RYR2: variants seen among roughly 807,000 people sequenced by gnomAD.
RYR2 encodes ryanodine receptor 2.
RYR2 carries 227 observed loss-of-function variants against 601.1 expected under a neutral mutation model. The observed-to-expected ratio is 0.38, with a 90% CI of 0.34 to 0.42. RYR2 has a LOEUF of 0.42. RYR2 is among the 10% of genes least tolerant of loss of function. The pLI, the probability that RYR2 is intolerant of heterozygous loss-of-function variation, is 1.00. For synonymous variants in RYR2, 2,223 were observed against 2,175.1 expected, an observed-to-expected ratio of 1.02 and a Z score of -0.61; for missense variants, 4,646 against 6,156.5, an observed-to-expected ratio of 0.75 and a Z score of 8.21.
intron 10 of RYR2, among the ~76,000 whole-genome samples, chr1:237,397,613 G>A (rs1558749814): frequency 6.6e-6 from 1 of 152,168 alleles, no homozygotes; most frequent in Non-Finnish European, 1.5e-5. Flanking sequence ...TCAGCAGAAA[G>A]TAATGTTTAA....
At chr1:237,490,344 T>C (rs1346456199) in intron 17 of RYR2, among the ~76,000 whole-genome samples, 2 of 152,162 alleles carry the variant, frequency 1.3e-5, no homozygotes, top group Non-Finnish European at 2.9e-5. Context: ...AAAGTTGAAA[T>C]TATTTTTTAT....
chr1:237,553,991 G>T (rs183571209), intron 27 of RYR2, among the ~76,000 whole-genome samples: 2 of 151,808 alleles, frequency 1.3e-5, no homozygotes, highest in Non-Finnish European at 2.9e-5. Context: ...TTTACAATTG[G>T]TATAGCTTTT....
intron 1 of RYR2, among the ~76,000 whole-genome samples, chr1:237,074,958 G>A (rs74149703): frequency 0.04 from 6,052 of 152,216 alleles, 437 homozygotes; most frequent in African/African-American, 0.14. Flanking sequence ...GCCAGGTCTC[G>A]GAGAGGGATC....
chr1:237,096,919 A>AT (rs1667563988), intron 1 of RYR2, among the ~76,000 whole-genome samples: 1 of 152,190 alleles, frequency 6.6e-6, no homozygotes, highest in South Asian at 2.1e-4. Flanking sequence ...AGCAATTGGA[A>AT]TTGGTCTGTC....
intron 1 of RYR2, among the ~76,000 whole-genome samples, chr1:237,153,534 A>G (rs1229349331): frequency 6.6e-6 from 1 of 152,154 alleles, no homozygotes; most frequent in Non-Finnish European, 1.5e-5. Context: ...GGAATAATGA[A>G]TTTAATGTTG....
intron 58 of RYR2, among the ~76,000 whole-genome samples, 157 bp downstream of exon 58, chr1:237,668,115 T>C (rs995144626): frequency 2.0e-5 from 3 of 152,218 alleles, no homozygotes; most frequent in African/African-American, 7.2e-5. Flanking sequence ...AATGCTGTAA[T>C]TTCCTAGTGG....
chr1:237,568,188 A>G (rs1399993066), intron 28 of RYR2, among the ~76,000 whole-genome samples: 1 of 152,178 alleles, frequency 6.6e-6, no homozygotes, highest in East Asian at 1.9e-4. Flanking sequence ...GGTAGGAAGG[A>G]GAACACCACA....
At chr1:237,437,029 A>T (rs946902776) in intron 12 of RYR2, among the ~76,000 whole-genome samples, 2 of 150,960 alleles carry the variant, frequency 1.3e-5, no homozygotes, top group African/African-American at 4.9e-5. Flanking sequence ...GGTCTATTTT[A>T]TTTATTTATT....
At position 237,222,655 on chromosome 1, in the gene RYR2, C is replaced by T. The variant is rs117648730; in HGVS notation, c.49-47842C>T. On this transcript the variant is annotated intron_variant, in intron 1 of 104. Transcript: ENST00000366574. Reference sequence around the variant, plus strand: ...TCTTTATTTAAGGTTTTGACGATACCTGCAACATAGACAAAAGCTAGGATT... The same window carrying T: ...TCTTTATTTAAGGTTTTGACGATACTTGCAACATAGACAAAAGCTAGGATT... Among the ~76,000 whole-genome samples the T allele has an allele frequency of 2.6e-5, 4 of 152,226 alleles. No homozygotes were observed. The East Asian group carries it at 7.7e-4, about 29-fold the overall frequency.
intron 1 of RYR2, among the ~76,000 whole-genome samples, chr1:237,069,706 T>C (rs1174231052): frequency 6.6e-6 from 1 of 152,160 alleles, no homozygotes; most frequent in East Asian, 1.9e-4. Context: ...TTTTAAAAAA[T>C]GGTGTCAGGC....
At chr1:237,126,002 C>T (rs558614994) in intron 1 of RYR2, among the ~76,000 whole-genome samples, 10 of 152,268 alleles carry the variant, frequency 6.6e-5, no homozygotes, top group Admixed American at 2.6e-4. Context: ...TTTGGGAGGC[C>T]GAGGCGGGCG....
intron 10 of RYR2, among the ~76,000 whole-genome samples, chr1:237,415,636 A>G (rs1287131387): frequency 6.6e-6 from 1 of 152,194 alleles, no homozygotes; most frequent in Non-Finnish European, 1.5e-5. Flanking sequence ...GTCCTCCAGG[A>G]CATATGGTAC....
chr1:237,831,407 C>T (rs919334680), intron 103 of RYR2, 107 bp from the exon 104 acceptor site: 1 of 642,212 alleles, frequency 1.6e-6, no homozygotes, highest in Non-Finnish European at 2.7e-6. Flanking sequence ...GGCGTTTTCT[C>T]TGTGCTGGCC....
intron 34 of RYR2, among the ~76,000 whole-genome samples, chr1:237,596,924 G>A (rs909746417): frequency 6.6e-6 from 1 of 152,136 alleles, no homozygotes; most frequent in African/African-American, 2.4e-5. Flanking sequence ...AGAAATGAAG[G>A]AAAAATAGAG....
chr1:237,645,231 C>A (rs1395204024), intron 48 of RYR2, among the ~76,000 whole-genome samples: 1 of 152,108 alleles, frequency 6.6e-6, no homozygotes, highest in Non-Finnish European at 1.5e-5. Flanking sequence ...TGTATGCTAA[C>A]CTTACAAACC....
In RYR2 at chr1:237,784,159, T is replaced by C. The variant is rs2149353878; in HGVS notation, c.12447T>C (p.Tyr4149=). 1 of 1,613,998 alleles carries C rather than the reference T, an allele frequency of 6.2e-7. No individual in the cohort carries two copies. Among genetic ancestry groups the C allele is most frequent in the Non-Finnish European group, 8.5e-7 (1 of 1,179,888 alleles). Residue 4149 remains tyrosine, a synonymous_variant, in exon 90 of 105, where the codon TAT becomes TAC. Coordinates refer to ENST00000366574, the MANE Select transcript of RYR2 (RefSeq NM_001035.3). The surrounding 1 kb of genome is among the most constrained non-coding windows in gnomAD (Gnocchi z 7.1). ...MGSAKRIERV[Y]FEISESSRTQ... ...GCGCCAAACGCATCGAGAGGGTCTA[T>C]TTTGAAATCAGTGAGTCCAGCCGAA... is the stretch of plus-strand genomic sequence containing the variant.
intron 2 of RYR2, among the ~76,000 whole-genome samples, chr1:237,324,909 A>G (rs573147078): frequency 3.9e-5 from 6 of 152,302 alleles, no homozygotes; most frequent in Admixed American, 2.6e-4. Context: ...TGTGCTGGAA[A>G]CCTAGTGTTA....
chr1:237,417,199 T>C, intron 11 of RYR2, 76 bp downstream of exon 11: 1 of 1,139,754 alleles, frequency 8.8e-7, no homozygotes, highest in Non-Finnish European at 1.3e-6. Flanking sequence ...TGTGTCAGCC[T>C]GTGATGCTGA....
intron 2 of RYR2, among the ~76,000 whole-genome samples, chr1:237,326,127 T>C (rs530386423): frequency 9.2e-5 from 14 of 152,274 alleles, no homozygotes; most frequent in Non-Finnish European, 1.9e-4. Flanking sequence ...ATGGATACTT[T>C]GGTTGGAAAC....
Sources: gnomAD v4.1 joint callset for allele counts (sites outside exome capture counted in the v4.1 genomes callset) on GRCh38, gnomAD v4.1.1 for gene constraint, Gnocchi (gnomAD v3.1) non-coding constraint, MANE v1.5 for transcripts, NCBI Gene and HGNC (gene_info 2026-07-23, HGNC 2026-07-21) for gene names.